Variants in GRM5 observed in about 807,000 individuals in gnomAD.
GRM5 encodes metabotropic glutamate receptor 5.
A neutral mutation model predicts 83.1 loss-of-function variants in GRM5; 19 were observed. That is an observed-to-expected ratio of 0.23 (90% confidence interval 0.16 to 0.34). The LOEUF (loss-of-function observed/expected upper bound fraction) is 0.34, where lower values mean the gene tolerates loss of function less well. Ranked by LOEUF, GRM5 falls within the 10% of genes least tolerant of loss-of-function variation. GRM5 has a pLI of 1.00. For synonymous variants in GRM5, 675 were observed against 633.6 expected (o/e 1.07, Z -0.98); for missense variants, 1,160 against 1,588.3 (o/e 0.73, Z 4.58).
chr11:88,940,771 C>T (rs936999968), intron 2 of GRM5, among the ~76,000 whole-genome samples: 11 of 151,780 alleles, frequency 7.2e-5, no homozygotes, highest in African/African-American at 2.7e-4. Flanking sequence ...TCTGAAGCTA[C>T]TCTGAGTATA....
chr11:88,547,568 A>G (rs892403861), intron 8 of GRM5, among the ~76,000 whole-genome samples: 14 of 152,190 alleles, frequency 9.2e-5, no homozygotes, highest in Non-Finnish European at 1.8e-4. Context: ...ACTCAAGGCT[A>G]TCTCCTCTAT....
intron 2 of GRM5, among the ~76,000 whole-genome samples, chr11:89,040,136 T>G (rs2135139680): frequency 6.6e-6 from 1 of 152,158 alleles, no homozygotes; most frequent in African/African-American, 2.4e-5. Context: ...AGTGCCTGTT[T>G]GTATAAAAAA....
chr11:88,795,310 A>T, intron 3 of GRM5, among the ~76,000 whole-genome samples: 1 of 152,120 alleles, frequency 6.6e-6, no homozygotes, highest in South Asian at 2.1e-4. Context: ...CAGCCCAGTG[A>T]CCTCCATGCT....
intron 3 of GRM5, among the ~76,000 whole-genome samples, chr11:88,701,243 T>A (rs1280353908): frequency 1.3e-5 from 2 of 152,138 alleles, no homozygotes; most frequent in Non-Finnish European, 1.5e-5. Context: ...GTTTTTACCA[T>A]GACAGGGAAG....
Position 88,955,132 on chromosome 11 carries a change from G to T in GRM5, c.661+92080C>A, listed in dbSNP as rs189854187. ...ACAAGCAAGTAATTTTGTGTTGTTTGTATACACACACAATCAAAAGCAAAG... is the reference window on the plus strand; with the variant it reads ...ACAAGCAAGTAATTTTGTGTTGTTTTTATACACACACAATCAAAAGCAAAG... On this transcript the variant is annotated intron_variant, in intron 2 of 9. Coordinates refer to ENST00000305447, the MANE Select transcript of GRM5 (RefSeq NM_001143831.3). Among the ~76,000 whole-genome samples the T allele has an allele frequency of 1.6e-4, 25 of 152,046 alleles. 1 individual carries two copies. The highest frequency in any genetic ancestry group is 5.8e-4 in the African/African-American group (24 of 41,390).
In GRM5 at chr11:88,953,918, T is replaced by C. The variant is rs183755138; in HGVS notation, c.661+93294A>G. ...GTATTTTACCTAAATGTGCATGTCT[T>C]CTGACCATTGCATGGAGAATAAGCT... On this transcript the variant is annotated intron_variant, in intron 2 of 9. Coordinates refer to ENST00000305447, the MANE Select transcript of GRM5 (RefSeq NM_001143831.3). Among the ~76,000 whole-genome samples the C allele has an allele frequency of 2.2e-3, 333 of 152,324 alleles. 2 individuals are homozygous for C. The highest frequency in any genetic ancestry group is 7.7e-3 in the African/African-American group (321 of 41,574).
rs1421503364 is a variant in GRM5 at position 88,507,107 on chromosome 11, A to C, written c.*1485T>G. ...TGACAGTGGATTCAGGTCTTGAACT[A>C]TGAATTCTACCTATTTGAGACTATC... On this transcript the variant is annotated 3_prime_UTR_variant, in exon 10 of 10. Coordinates refer to ENST00000305447, the MANE Select transcript of GRM5 (RefSeq NM_001143831.3). 6.6e-6 allele frequency: 1 copy of C among 152,202 alleles called. No homozygotes were observed. The highest frequency in any genetic ancestry group is 1.5e-5 in the Non-Finnish European group (1 of 68,038). The allele number at this position is 152,202 out of a possible 1,614,324, so 9.4% of individuals were successfully genotyped here. A position where few individuals can be genotyped will look rare whatever the true frequency, so the allele number is the denominator to read the frequency against.
At chr11:88,777,912 AG>A (rs1942890955) in intron 3 of GRM5, among the ~76,000 whole-genome samples, 1 of 152,234 alleles carries the variant, frequency 6.6e-6, no homozygotes, top group Admixed American at 6.5e-5. Context: ...CACAGGGGTC[AG>A]GGACCCACTT....
At chr11:88,759,242 G>A (rs1591493862) in intron 3 of GRM5, among the ~76,000 whole-genome samples, 1 of 152,236 alleles carries the variant, frequency 6.6e-6, no homozygotes, top group South Asian at 2.1e-4. Flanking sequence ...CATCTTGGAT[G>A]TAAATGGGCT....
intron 2 of GRM5, among the ~76,000 whole-genome samples, chr11:89,003,134 C>A (rs7125795): frequency 6.6e-6 from 1 of 152,064 alleles, no homozygotes. Flanking sequence ...CAAACACTTG[C>A]TTACTATTTA....
At chr11:88,670,302 A>T (rs1940158843) in intron 3 of GRM5, among the ~76,000 whole-genome samples, 1 of 152,050 alleles carries the variant, frequency 6.6e-6, no homozygotes, top group African/African-American at 2.4e-5. Flanking sequence ...TCTTGATAAT[A>T]ATAAAAGGAG....
At chr11:88,743,806 G>T (rs931074223) in intron 3 of GRM5, among the ~76,000 whole-genome samples, 1 of 152,112 alleles carries the variant, frequency 6.6e-6, no homozygotes, top group Non-Finnish European at 1.5e-5. Context: ...ATGGCATATT[G>T]TAGCCCCATA....
At chr11:88,987,820 T>C (rs980697455) in intron 2 of GRM5, among the ~76,000 whole-genome samples, 3 of 151,442 alleles carry the variant, frequency 2.0e-5, no homozygotes, top group Non-Finnish European at 2.9e-5. Flanking sequence ...GAAGGAAAAC[T>C]AACAAACAGA....
chr11:88,766,490 C>T (rs1942626725), intron 3 of GRM5, among the ~76,000 whole-genome samples: 1 of 151,978 alleles, frequency 6.6e-6, no homozygotes, highest in Non-Finnish European at 1.5e-5. Flanking sequence ...ACTGGGATAG[C>T]TGGCTAGCCA....
intron 8 of GRM5, among the ~76,000 whole-genome samples, chr11:88,533,099 T>G (rs1213380893): frequency 2.6e-5 from 4 of 152,334 alleles, no homozygotes; most frequent in African/African-American, 9.6e-5. Context: ...AATCTTTTCA[T>G]ATCATTCATC....
intron 9 of GRM5, among the ~76,000 whole-genome samples, chr11:88,515,106 G>C (rs901484338): frequency 2.0e-5 from 3 of 151,992 alleles, no homozygotes; most frequent in Non-Finnish European, 2.9e-5. Flanking sequence ...GTTCATTCAC[G>C]GTGGGTTATT....
At chr11:88,531,606 A>G (rs1282172859) in intron 8 of GRM5, among the ~76,000 whole-genome samples, 2 of 152,090 alleles carry the variant, frequency 1.3e-5, no homozygotes, top group Non-Finnish European at 2.9e-5. Context: ...TTTCTCATAG[A>G]AATTGCAGAC....
chr11:88,945,399 C>G (rs1028068640), intron 2 of GRM5, among the ~76,000 whole-genome samples: 3 of 151,750 alleles, frequency 2.0e-5, no homozygotes, highest in African/African-American at 7.3e-5. Flanking sequence ...TGTAATGTAG[C>G]ATTCATATGG....
At chr11:88,677,273 T>C (rs1283106359) in intron 3 of GRM5, among the ~76,000 whole-genome samples, 1 of 152,090 alleles carries the variant, frequency 6.6e-6, no homozygotes, top group Non-Finnish European at 1.5e-5. Flanking sequence ...TTCACTCCTG[T>C]CCTCTCCTGT....
Sources: gnomAD v4.1 joint callset for allele counts (sites outside exome capture counted in the v4.1 genomes callset) on GRCh38, gnomAD v4.1.1 for gene constraint, MANE v1.5 for transcripts, NCBI Gene and HGNC (gene_info 2026-07-23, HGNC 2026-07-21) for gene names.